The following LRRC7 variants were observed in gnomAD, a reference collection of about 807,000 sequenced individuals.
The protein encoded by LRRC7 is leucine rich repeat containing 7, also known as leucine-rich repeat-containing protein 7.
A neutral mutation model predicts 175.7 loss-of-function variants in LRRC7; 23 were observed. That is an observed-to-expected ratio of 0.13 (90% CI 0.09 to 0.19). The LOEUF is 0.19. Ranked by LOEUF, LRRC7 falls within the 10% of genes least tolerant of loss-of-function variation. The probability of loss-of-function intolerance (pLI) is 1.00; values close to 1 mark genes in which losing one functional copy is unlikely to be tolerated. For missense variants in LRRC7, 1,354 were observed against 1,904.7 expected, an observed-to-expected ratio of 0.71 and a Z score of 5.38; for synonymous variants, 685 against 680.9, an observed-to-expected ratio of 1.01 and a Z score of -0.09.
chr1:70,071,632 C>T (rs939467522), intron 23 of LRRC7, among the ~76,000 whole-genome samples: 7 of 152,054 alleles, frequency 4.6e-5, no homozygotes, highest in African/African-American at 1.7e-4. Context: ...GTAAGTTATC[C>T]TTTGGAGATG....
chr1:69,706,091 G>A (rs950499339), intron 2 of LRRC7, among the ~76,000 whole-genome samples: 3 of 151,976 alleles, frequency 2.0e-5, no homozygotes, highest in Admixed American at 1.3e-4. Flanking sequence ...CATTTGTCTG[G>A]CTCTATATTC....
chr1:69,917,667 T>C (rs1009941129), intron 7 of LRRC7, among the ~76,000 whole-genome samples: 1 of 152,038 alleles, frequency 6.6e-6, no homozygotes, highest in South Asian at 2.1e-4. Flanking sequence ...CAAACAATTA[T>C]CTCATACAAA....
chr1:69,610,773 T>C (rs977779759), intron 1 of LRRC7, among the ~76,000 whole-genome samples: 2 of 151,878 alleles, frequency 1.3e-5, no homozygotes, highest in Non-Finnish European at 2.9e-5. Context: ...GGCAAAAATA[T>C]TTCACAAACA....
chr1:69,830,792 A>T (rs1332610144), intron 5 of LRRC7, among the ~76,000 whole-genome samples: 1 of 151,956 alleles, frequency 6.6e-6, no homozygotes, highest in Non-Finnish European at 1.5e-5. Flanking sequence ...CCACATTTTT[A>T]AGAAGAAAAG....
intron 25 of LRRC7, among the ~76,000 whole-genome samples, chr1:70,097,386 CA>C (rs1664484384): frequency 6.6e-6 from 1 of 152,158 alleles, no homozygotes; most frequent in South Asian, 2.1e-4. Flanking sequence ...TAGCTTACAA[CA>C]AACAATTTTT....
intron 8 of LRRC7, among the ~76,000 whole-genome samples, chr1:69,958,011 AAAAAACAG>A (rs1433605957): frequency 6.6e-6 from 1 of 151,958 alleles, no homozygotes; most frequent in Non-Finnish European, 1.5e-5. Context: ...TATTAATGAG[AAAAAACAG>A]ATATACTGTA....
At chr1:69,650,625 A>T (rs574492916) in intron 1 of LRRC7, among the ~76,000 whole-genome samples, 27 of 151,490 alleles carry the variant, frequency 1.8e-4, no homozygotes, top group Non-Finnish European at 3.8e-4. Context: ...TTCATTAAGC[A>T]TGCATTATAG....
rs757977536 is a variant in LRRC7, at chr1:70,143,718, T to C, written c.*21831T>C. The C allele has an allele frequency of 6.6e-6, 1 of 152,128 alleles. No individual in the cohort carries two copies. Among genetic ancestry groups the C allele is most frequent in the African/African-American group, 2.4e-5 (1 of 41,450 alleles). 9.4% of individuals were successfully genotyped at this position (152,128 alleles called of 1,614,324 possible). ...AGCCAATTCAAAACAAATTGCTTAC[T>C]TTAATAATACAATTTTACCATTTTA... On this transcript the variant is annotated 3_prime_UTR_variant, in exon 27 of 27. Transcript: ENST00000651989.
chr1:70,135,558 C>T lies in LRRC7; in HGVS notation c.*13671C>T, dbSNP rs1402584934. ...CTTTTGAAACATCTCACGCACTCCT[C>T]CCCAACCCCGACTCCAAGGGTGCTG... On this transcript the variant is annotated 3_prime_UTR_variant, in exon 27 of 27. Transcript: ENST00000651989. 5.9e-5 allele frequency among the ~76,000 whole-genome samples: 9 copies of T among 152,152 alleles called. No individual in the cohort carries two copies. Among genetic ancestry groups the T allele is most frequent in the Non-Finnish European group, 1.5e-5 (1 of 68,028 alleles).
intron 1 of LRRC7, among the ~76,000 whole-genome samples, chr1:69,664,089 A>G (rs542554335): frequency 4.9e-4 from 74 of 152,338 alleles, no homozygotes; most frequent in African/African-American, 1.7e-3. Context: ...TTCACTTAAC[A>G]TAATGACTAC....
intron 2 of LRRC7, among the ~76,000 whole-genome samples, chr1:69,700,028 G>A (rs938373705): frequency 1.3e-5 from 2 of 152,164 alleles, no homozygotes; most frequent in African/African-American, 4.8e-5. Context: ...TATGGTAATA[G>A]CTTTTGGGGA....
At chr1:69,937,403 C>T (rs1171858264) in intron 8 of LRRC7, among the ~76,000 whole-genome samples, 2 of 151,998 alleles carry the variant, frequency 1.3e-5, no homozygotes, top group East Asian at 3.9e-4. Flanking sequence ...GCTGTTTTGT[C>T]TGCATTTATT....
chr1:69,663,327 T>C (rs1026311478), intron 1 of LRRC7, among the ~76,000 whole-genome samples: 7 of 152,138 alleles, frequency 4.6e-5, no homozygotes, highest in African/African-American at 1.7e-4. Flanking sequence ...ATTCAATACA[T>C]TTTTTAATTT....
chr1:69,860,393 A>C (rs1469670049), intron 7 of LRRC7, among the ~76,000 whole-genome samples: 2 of 152,002 alleles, frequency 1.3e-5, no homozygotes, highest in African/African-American at 4.8e-5. Flanking sequence ...AAAAGACTTA[A>C]GGAGACTGAG....
chr1:69,941,055 G>A (rs1648657045), intron 8 of LRRC7, among the ~76,000 whole-genome samples: 1 of 152,094 alleles, frequency 6.6e-6, no homozygotes, highest in African/African-American at 2.4e-5. Context: ...AGTGAGCCAT[G>A]CAAATATCTG....
chr1:69,670,845 T>G (rs1274990539), intron 1 of LRRC7, among the ~76,000 whole-genome samples: 4 of 152,044 alleles, frequency 2.6e-5, no homozygotes, highest in African/African-American at 9.7e-5. Context: ...CCCTTAAGGC[T>G]CAAGGGCTCT....
intron 2 of LRRC7, among the ~76,000 whole-genome samples, chr1:69,748,924 A>G (rs887084833): frequency 2.0e-5 from 3 of 152,202 alleles, no homozygotes; most frequent in African/African-American, 7.2e-5. Flanking sequence ...TATGAAAGTT[A>G]GATCTTTGAG....
intron 8 of LRRC7, among the ~76,000 whole-genome samples, chr1:69,956,062 C>G (rs1650454628): frequency 1.3e-5 from 2 of 151,900 alleles, no homozygotes. Flanking sequence ...AGCTGAGACT[C>G]TTAAAGAGCA....
At chr1:69,639,516 A>G (rs1479498395) in intron 1 of LRRC7, among the ~76,000 whole-genome samples, 3 of 151,802 alleles carry the variant, frequency 2.0e-5, no homozygotes, top group Non-Finnish European at 2.9e-5. Context: ...AACAAGCTCT[A>G]TGAAAGGACT....
Sources: gnomAD v4.1 joint callset for allele counts (sites outside exome capture counted in the v4.1 genomes callset) on GRCh38, gnomAD v4.1.1 for gene constraint, MANE v1.5 for transcripts, NCBI Gene and HGNC (gene_info 2026-07-23, HGNC 2026-07-21) for gene names.